Variants in TNRC6B observed in about 807,000 individuals in gnomAD.
The protein encoded by TNRC6B is trinucleotide repeat containing adaptor 6B.
A neutral mutation model predicts 203.6 loss-of-function variants in TNRC6B; 52 were observed. That is an observed-to-expected ratio of 0.26 (90% CI 0.20 to 0.32). TNRC6B has a LOEUF of 0.32. Ranked by LOEUF, TNRC6B falls within the 10% of genes least tolerant of loss-of-function variation. The probability of loss-of-function intolerance (pLI) is 1.00; values close to 1 mark genes in which losing one functional copy is unlikely to be tolerated. For missense variants in TNRC6B, 1,923 were observed against 2,286.2 expected, an observed-to-expected ratio of 0.84 and a Z score of 3.24; for synonymous variants, 838 against 845.7, an observed-to-expected ratio of 0.99 and a Z score of 0.16.
In TNRC6B at chr22:40,324,666, C is replaced by T. The variant is rs2071380963; in HGVS notation, c.*1425C>T. ...AGGCCATCACTGACAGAAACGTTTA[C>T]TTAACGAATGTTCTTAAACCAGTGT... is the stretch of plus-strand genomic sequence containing the variant. On this transcript the variant is annotated 3_prime_UTR_variant, in exon 23 of 23. Coordinates refer to ENST00000454349, the MANE Select transcript of TNRC6B (RefSeq NM_001162501.2). The T allele has an allele frequency of 6.5e-6, 1 of 152,686 alleles. No individual in the cohort carries two copies. Among genetic ancestry groups the T allele is most frequent in the Non-Finnish European group, 1.5e-5 (1 of 68,052 alleles). The allele number at this position is 152,686 out of a possible 1,614,324, so 9.5% of individuals were successfully genotyped here.
chr22:40,171,067 T>G (rs2068991401), intron 4 of TNRC6B, among the ~76,000 whole-genome samples: 2 of 149,676 alleles, frequency 1.3e-5, no homozygotes. Flanking sequence ...TACATGTATC[T>G]ATATATGTAT....
At chr22:40,146,826 A>G (rs2068699525) in intron 3 of TNRC6B, among the ~76,000 whole-genome samples, 1 of 152,176 alleles carries the variant, frequency 6.6e-6, no homozygotes, top group Non-Finnish European at 1.5e-5. Flanking sequence ...TGGCCTCCCA[A>G]AGGGCTGGGA....
chr22:40,186,265 GT>G (rs1232413082), intron 1 of TNRC6B, among the ~76,000 whole-genome samples: 3 of 152,148 alleles, frequency 2.0e-5, no homozygotes, highest in African/African-American at 7.2e-5. Flanking sequence ...GATCACAGGT[GT>G]GGGCAGCAGT....
chr22:40,255,915 T>C (rs2070270374), intron 3 of TNRC6B, among the ~76,000 whole-genome samples: 1 of 152,166 alleles, frequency 6.6e-6, no homozygotes, highest in Non-Finnish European at 1.5e-5. Context: ...TGCAATGGCA[T>C]GATCTTGGCT....
rs1315676189 is a variant in TNRC6B at position 40,315,468 on chromosome 22, G to C, written c.4864G>C (p.Val1622Leu). The C allele has an allele frequency of 6.2e-7, 1 of 1,614,034 alleles. No individual in the cohort carries two copies. Among genetic ancestry groups the C allele is most frequent in the Middle Eastern group, 1.6e-4 (1 of 6,062 alleles). The change falls in exon 20 of 23, where the codon GTC (valine) becomes CTC (leucine). Residue 1622 changes from valine (V) to leucine (L), a missense_variant. Val to Leu is a conservative substitution (Grantham distance 32). Coordinates refer to ENST00000454349, the MANE Select transcript of TNRC6B (RefSeq NM_001162501.2). ...SPWSSTAPRS[V>L]RGWGTQDSRL... The stretch of plus-strand genomic sequence containing the variant: ...CTGGAGCAGCACAGCACCCCGATCA[G>C]TCAGGGGGTGGGGGACACAGGACTC...
chr22:40,245,498 A>C (rs2070094136), intron 1 of TNRC6B, among the ~76,000 whole-genome samples: 2 of 152,250 alleles, frequency 1.3e-5, no homozygotes, highest in South Asian at 4.1e-4. Flanking sequence ...AACATATAGT[A>C]TTAATACATA....
intron 1 of TNRC6B, among the ~76,000 whole-genome samples, chr22:40,243,291 G>A (rs739180): frequency 0.62 from 94,193 of 152,162 alleles, 33,593 homozygotes; most frequent in East Asian, 0.99. Flanking sequence ...TGATTTAAAA[G>A]TGGCAGGTTT....
intron 3 of TNRC6B, among the ~76,000 whole-genome samples, chr22:40,155,929 A>G (rs981828523): frequency 3.0e-4 from 45 of 152,216 alleles, no homozygotes; most frequent in Admixed American, 2.6e-4. Flanking sequence ...TTGCCGATCA[A>G]CATGTTTCCT....
chr22:40,163,867 A>T (rs1345453577), intron 4 of TNRC6B, among the ~76,000 whole-genome samples: 1 of 151,700 alleles, frequency 6.6e-6, no homozygotes, highest in Non-Finnish European at 1.5e-5. Context: ...AAATAAGGGG[A>T]GGGGAGGCTC....
At chr22:40,136,440 G>C (rs8136269) in intron 3 of TNRC6B, among the ~76,000 whole-genome samples, 33,491 of 148,834 alleles carry the variant, frequency 0.23, 4,112 homozygotes, top group Admixed American at 0.33. Flanking sequence ...GCTCTGTCGC[G>C]TAGGCTGGAG....
intron 4 of TNRC6B, among the ~76,000 whole-genome samples, chr22:40,164,262 C>G (rs977720474): frequency 2.0e-5 from 3 of 150,548 alleles, no homozygotes; most frequent in African/African-American, 7.3e-5. Context: ...GTGGTGGGCT[C>G]CTGTAATCCC....
rs1293008242 is a variant in TNRC6B at position 40,170,602 on chromosome 22, T to TTA, written c.113+14428_113+14429dup. ...AGTTTATATATATATTATATATAGT[T>TTA]TATATATATCCTATACATACATATA... On this transcript the variant is annotated intron_variant, in intron 4 of 23. Transcript: ENST00000301923. 1.6e-3 allele frequency among the ~76,000 whole-genome samples: 26 copies of TTA among 15,778 alleles called. 8 individuals carry two copies. In the African/African-American group the frequency reaches 0.065, roughly 40 times the overall value. 10.4% of individuals were successfully genotyped at this position (15,778 alleles called of 152,430 possible). A position where few individuals can be genotyped will look rare whatever the true frequency, so the allele number is the denominator to read the frequency against.
chr22:40,198,136 A>G (rs1363378672), intron 1 of TNRC6B, among the ~76,000 whole-genome samples: 1 of 152,116 alleles, frequency 6.6e-6, no homozygotes, highest in African/African-American at 2.4e-5. Context: ...TTAGACAATA[A>G]TTAAAGGCAA....
At chr22:40,075,017 A>G (rs2067993958) in intron 1 of TNRC6B, among the ~76,000 whole-genome samples, 1 of 151,330 alleles carries the variant, frequency 6.6e-6, no homozygotes, top group South Asian at 2.1e-4. Flanking sequence ...ATCTGTCATG[A>G]TTTGTATGGT....
intron 2 of TNRC6B, among the ~76,000 whole-genome samples, chr22:40,249,078 C>T (rs1225605576): frequency 6.6e-6 from 1 of 152,164 alleles, no homozygotes; most frequent in South Asian, 2.1e-4. Flanking sequence ...TTCATTCATT[C>T]GGTCCGCAAA....
intron 3 of TNRC6B, among the ~76,000 whole-genome samples, chr22:40,148,098 A>G (rs923796418): frequency 2.0e-5 from 3 of 152,144 alleles, no homozygotes; most frequent in Admixed American, 6.5e-5. Context: ...ACTACCAGAG[A>G]ACAGATAGCA....
At chr22:40,206,722 C>G (rs763423154) in intron 1 of TNRC6B, among the ~76,000 whole-genome samples, 2 of 149,366 alleles carry the variant, frequency 1.3e-5, no homozygotes, top group Non-Finnish European at 3.0e-5. Context: ...TGGGTCAGCG[C>G]GTAAGTGGGA....
chr22:40,170,581 T>C (rs1392593392), intron 4 of TNRC6B, among the ~76,000 whole-genome samples: 1 of 24,388 alleles, frequency 4.1e-5, no homozygotes, highest in Non-Finnish European at 6.1e-5. Flanking sequence ...ATATATAGTT[T>C]ATATATATAT....
intron 12 of TNRC6B, among the ~76,000 whole-genome samples, chr22:40,291,723 A>C (rs1032235996): frequency 6.6e-6 from 1 of 152,228 alleles, no homozygotes; most frequent in African/African-American, 2.4e-5. Flanking sequence ...GTTACAAATA[A>C]TGCTGCAGAG....
Sources: gnomAD v4.1 joint callset for allele counts (sites outside exome capture counted in the v4.1 genomes callset) on GRCh38, gnomAD v4.1.1 for gene constraint, MANE v1.5 for transcripts, NCBI Gene and HGNC (gene_info 2026-07-23, HGNC 2026-07-21) for gene names.